The following VPS35L variants were observed in gnomAD, a reference collection of about 807,000 sequenced individuals.
VPS35L encodes VPS35 endosomal protein-sorting factor-like.
Under a neutral mutation model 133.0 loss-of-function variants are expected in VPS35L, and 83 were observed. The observed-to-expected ratio is 0.62, with a 90% CI of 0.52 to 0.75. VPS35L has a LOEUF of 0.75. VPS35L is among the 30% of genes least tolerant of loss of function. The pLI, the probability that VPS35L is intolerant of heterozygous loss-of-function variation, is 0.00. For synonymous variants in VPS35L, 423 were observed against 449.9 expected, an observed-to-expected ratio of 0.94 and a Z score of 0.76; for missense variants, 1,083 against 1,206.8, an observed-to-expected ratio of 0.90 and a Z score of 1.52.
At chr16:19,668,428 C>T (rs535491075) in intron 26 of VPS35L, among the ~76,000 whole-genome samples, 1 of 152,290 alleles carries the variant, frequency 6.6e-6, no homozygotes, top group African/African-American at 2.4e-5. Context: ...ATCCCTTCCA[C>T]CCCGTCTCCT....
At chr16:19,566,761 CT>C (rs550999511) in intron 2 of VPS35L, among the ~76,000 whole-genome samples, 4 of 149,094 alleles carry the variant, frequency 2.7e-5, no homozygotes, top group African/African-American at 9.8e-5. Context: ...CCTTTTTTTT[CT>C]TTTTTTTGAG....
At position 19,693,180 on chromosome 16, in the gene VPS35L, T is replaced by C. The variant is rs116811672; in HGVS notation, c.2646+1709T>C. ...AAAGAGTGGCATTGGAACCCCAGTT[T>C]CTTCTTCAGGAAAACTGGTTTATCA... On this transcript the variant is annotated intron_variant, in intron 29 of 30. Transcript: ENST00000417362. Among the ~76,000 whole-genome samples the C allele has an allele frequency of 6.3e-3, 951 of 152,158 alleles. 10 individuals carry two copies. The highest frequency in any genetic ancestry group is 0.021 in the African/African-American group (870 of 41,502).
chr16:19,585,484 C>T (rs1023240578), intron 7 of VPS35L, among the ~76,000 whole-genome samples: 2 of 151,462 alleles, frequency 1.3e-5, no homozygotes, highest in Non-Finnish European at 2.9e-5. Flanking sequence ...CTCACTCCAG[C>T]CTCAAACTCT....
intron 11 of VPS35L, 79 bp from the exon 12 acceptor site, chr16:19,610,243 C>CT (rs1972668661): frequency 3.2e-6 from 4 of 1,243,842 alleles, no homozygotes; most frequent in African/African-American, 1.5e-5. Context: ...TTTAGGAAGT[C>CT]TTTATCTTTA....
At chr16:19,689,566 C>A (rs1975594458) in intron 28 of VPS35L, among the ~76,000 whole-genome samples, 1 of 152,102 alleles carries the variant, frequency 6.6e-6, no homozygotes, top group Non-Finnish European at 1.5e-5. Flanking sequence ...GCCACAGTGC[C>A]CAGCCCCAGT....
chr16:19,557,319 G>T (rs1970891554), intron 1 of VPS35L, among the ~76,000 whole-genome samples: 2 of 152,162 alleles, frequency 1.3e-5, no homozygotes, highest in Non-Finnish European at 2.9e-5. Context: ...ATTACAAGCA[G>T]GCAAACAGGT....
In VPS35L at chr16:19,699,346, T is replaced by C. The variant is rs1976026154; in HGVS notation, c.2647-156T>C. ...CTTACAGATGAAGCAGCTGGGACTT[T>C]GGGAGGTTCAGCAGCTTGCCCTACA... On this transcript the variant is annotated intron_variant, in intron 29 of 30. Transcript: ENST00000417362. The surrounding 1 kb of genome is among the most constrained non-coding windows in gnomAD (Gnocchi z 4.2). 4.7e-6 allele frequency: 4 copies of C among 858,750 alleles called. No homozygotes were observed. In the East Asian group the frequency reaches 1.1e-4, roughly 24 times the overall value. The allele number at this position is 858,750 out of a possible 1,614,324, so 53.2% of individuals were successfully genotyped here. A position where few individuals can be genotyped will look rare whatever the true frequency, so the allele number is the denominator to read the frequency against.
At chr16:19,560,117 T>C (rs1429885751) in intron 1 of VPS35L, among the ~76,000 whole-genome samples, 3 of 152,260 alleles carry the variant, frequency 2.0e-5, no homozygotes, top group Non-Finnish European at 4.4e-5. Flanking sequence ...ACATGACTTA[T>C]AGATAATCTA....
chr16:19,614,105 C>T (rs1049805260), intron 12 of VPS35L, among the ~76,000 whole-genome samples: 8 of 152,210 alleles, frequency 5.3e-5, no homozygotes, highest in African/African-American at 1.7e-4. Context: ...TTCAGCTCAT[C>T]TCCATGGCTC....
chr16:19,580,408 A>G (rs1288149050), intron 6 of VPS35L, among the ~76,000 whole-genome samples: 1 of 152,002 alleles, frequency 6.6e-6, no homozygotes, highest in East Asian at 2.0e-4. Context: ...CACCATGCCC[A>G]GCCTACTCTT....
chr16:19,700,409 GCAAA>G lies in VPS35L; in HGVS notation c.2829_2832del (p.Lys943AsnfsTer4). ...ACGCTAGAATACATCAAGAAGCAAA[GCAAA>G]CAACCAGACATGACTCATCTGACGG... On this transcript the variant is annotated frameshift_variant, in exon 31 of 31. Transcript: ENST00000417362. LOFTEE classifies it high-confidence loss of function. 2 of 1,614,146 alleles carry G rather than the reference GCAAA, an allele frequency of 1.2e-6. No homozygotes were observed. Among genetic ancestry groups the G allele is most frequent in the Non-Finnish European group, 8.5e-7 (1 of 1,180,026 alleles).
At chr16:19,627,118 C>A (rs1453485427) in intron 15 of VPS35L, among the ~76,000 whole-genome samples, 1 of 152,024 alleles carries the variant, frequency 6.6e-6, no homozygotes, top group Non-Finnish European at 1.5e-5. Flanking sequence ...CCTGTCTCTA[C>A]TAAAAATACA....
intron 24 of VPS35L, among the ~76,000 whole-genome samples, chr16:19,649,246 G>A (rs546634763): frequency 3.3e-5 from 5 of 152,118 alleles, no homozygotes; most frequent in East Asian, 3.9e-4. Flanking sequence ...CTGCCTCGGC[G>A]TCCCAAAGTG....
chr16:19,669,403 T>C, intron 27 of VPS35L, 104 bp downstream of exon 27: 1 of 1,353,820 alleles, frequency 7.4e-7, no homozygotes, highest in Non-Finnish European at 9.9e-7. Flanking sequence ...CTATCTAGTA[T>C]CTTTGTGTTG....
rs1483653693 is a variant in VPS35L, at chr16:19,700,652, G to T, written c.*176G>T. ...GGTTATTCTGACAATGAAGAAATGG[G>T]AGTTGTCAGAGCATTAAAATGCAAT... On this transcript the variant is annotated 3_prime_UTR_variant, in exon 31 of 31. Transcript: ENST00000417362. The T allele has an allele frequency of 3.4e-6, 2 of 587,438 alleles. No individual in the cohort carries two copies. The highest frequency in any genetic ancestry group is 6.0e-6 in the Non-Finnish European group (2 of 331,330). 36.4% of individuals were successfully genotyped at this position (587,438 alleles called of 1,614,324 possible).
At chr16:19,687,505 C>T (rs114574647) in intron 28 of VPS35L, among the ~76,000 whole-genome samples, 8,699 of 152,240 alleles carry the variant, frequency 0.057, 689 homozygotes, top group African/African-American at 0.17. Flanking sequence ...TTGACTCCTG[C>T]GGCCCAGGGC....
At chr16:19,600,258 G>GAA (rs10596954) in intron 8 of VPS35L, among the ~76,000 whole-genome samples, 4 of 145,800 alleles carry the variant, frequency 2.7e-5, no homozygotes, top group African/African-American at 9.9e-5. Flanking sequence ...AAAGGGTTAT[G>GAA]AAAAAAAAAA....
chr16:19,566,497 AAAAAATAAAAGG>A (rs1971195004), intron 2 of VPS35L, among the ~76,000 whole-genome samples: 1 of 152,178 alleles, frequency 6.6e-6, no homozygotes. Flanking sequence ...CTCCATCTCA[AAAAAATAAAAGG>A]AAAATTCTGA....
chr16:19,588,960 T>C (rs1971958046), intron 7 of VPS35L, among the ~76,000 whole-genome samples: 1 of 152,212 alleles, frequency 6.6e-6, no homozygotes. Context: ...GAGCAGATTT[T>C]CTATTTTAAT....
Sources: allele counts gnomAD v4.1 joint callset (sites outside exome capture counted in the v4.1 genomes callset), GRCh38; gene constraint gnomAD v4.1.1; non-coding constraint Gnocchi (gnomAD v3.1); transcripts MANE v1.5; gene names NCBI Gene and HGNC (gene_info 2026-07-23, HGNC 2026-07-21).